PBRM1: variants seen among roughly 807,000 people sequenced by gnomAD.
PBRM1 encodes polybromo 1.
In PBRM1, 27 loss-of-function variants were observed where a neutral mutation model predicts 194.5. That is an observed-to-expected ratio of 0.14 (90% CI 0.10 to 0.19). The LOEUF (loss-of-function observed/expected upper bound fraction) is 0.19, where lower values mean the gene tolerates loss of function less well. PBRM1 is among the 10% of genes least tolerant of loss of function. The pLI is 1.00. For synonymous variants in PBRM1, 655 were observed against 693.2 expected, an observed-to-expected ratio of 0.94 and a Z score of 0.87; for missense variants, 1,466 against 2,077.2, an observed-to-expected ratio of 0.71 and a Z score of 5.72.
chr3:52,583,835 AG>A (rs1432778319), intron 20 of PBRM1, among the ~76,000 whole-genome samples: 1 of 152,180 alleles, frequency 6.6e-6, no homozygotes, highest in African/African-American at 2.4e-5. Flanking sequence ...TGTAGAGACA[AG>A]GTCTTGCTAT....
intron 2 of PBRM1, among the ~76,000 whole-genome samples, chr3:52,676,774 T>TG: frequency 6.6e-6 from 1 of 152,192 alleles, no homozygotes; most frequent in Non-Finnish European, 1.5e-5. Flanking sequence ...TGAATGGCTT[T>TG]GACCAAAAGC....
At chr3:52,553,030 GT>G (rs2081346193) in intron 27 of PBRM1, among the ~76,000 whole-genome samples, 1 of 152,122 alleles carries the variant, frequency 6.6e-6, no homozygotes, top group Non-Finnish European at 1.5e-5. Flanking sequence ...AGGCCACCAA[GT>G]TTGCTCACTC....
chr3:52,681,809 G>A (rs2097209098), upstream of PBRM1: 1 of 654,912 alleles, frequency 1.5e-6, no homozygotes, highest in Non-Finnish European at 1.9e-6. Flanking sequence ...TTCAGTGTTA[G>A]TATATTCAAA....
Position 52,609,242 on chromosome 3 carries a change from G to A in PBRM1, c.2567+71C>T. The A allele has an allele frequency of 8.4e-7, 1 of 1,193,018 alleles. No individual in the cohort carries two copies. The highest frequency in any genetic ancestry group is 1.2e-6 in the Non-Finnish European group (1 of 831,050). The allele number at this position is 1,193,018 out of a possible 1,614,324, so 73.9% of individuals were successfully genotyped here. A position where few individuals can be genotyped will look rare whatever the true frequency, so the allele number is the denominator to read the frequency against. On this transcript the variant is annotated intron_variant, in intron 16 of 29. Coordinates refer to ENST00000296302, the Ensembl canonical transcript of PBRM1. The surrounding 1 kb of genome is among the most constrained non-coding windows in gnomAD (Gnocchi z 4.1). ...ATGTAAGTGGAAATAGTACATCAAA[G>A]CAATATTCTTTCATCTGTTTTGTAT...
chr3:52,582,172 G>C (rs2091387019), intron 20 of PBRM1, among the ~76,000 whole-genome samples: 1 of 150,200 alleles, frequency 6.7e-6, no homozygotes, highest in South Asian at 2.1e-4. Flanking sequence ...AACCTGGGAA[G>C]TGGAGGCTGC....
chr3:52,599,075 AAC>A (rs1212445705), intron 17 of PBRM1, among the ~76,000 whole-genome samples: 2 of 151,760 alleles, frequency 1.3e-5, no homozygotes, highest in African/African-American at 4.8e-5. Flanking sequence ...CTCTAGTCTC[AAC>A]TACTCAGGAG....
chr3:52,605,267 C>A (rs1478577191), intron 16 of PBRM1, among the ~76,000 whole-genome samples: 1 of 151,620 alleles, frequency 6.6e-6, no homozygotes, highest in Non-Finnish European at 1.5e-5. Context: ...AGGCTGGTCT[C>A]GAACTCCTGG....
intron 11 of PBRM1, among the ~76,000 whole-genome samples, chr3:52,630,489 G>A (rs1301002247): frequency 6.6e-6 from 1 of 152,172 alleles, no homozygotes; most frequent in Non-Finnish European, 1.5e-5. Flanking sequence ...TATGACTAGT[G>A]TCTATCACAT....
chr3:52,661,744 T>C (rs769566790), intron 4 of PBRM1, among the ~76,000 whole-genome samples: 151 of 152,328 alleles, frequency 9.9e-4, no homozygotes, highest in Middle Eastern at 3.4e-3. Flanking sequence ...ACAGTAACTA[T>C]TCTAACCTAC....
intron 17 of PBRM1, among the ~76,000 whole-genome samples, chr3:52,600,081 C>T (rs1305549341): frequency 6.6e-6 from 1 of 152,028 alleles, no homozygotes; most frequent in Non-Finnish European, 1.5e-5. Context: ...CACTTCGTTG[C>T]ATTTATAGAA....
chr3:52,657,994 T>C (rs757914571), intron 5 of PBRM1, among the ~76,000 whole-genome samples: 3 of 150,342 alleles, frequency 2.0e-5, no homozygotes, highest in Non-Finnish European at 3.0e-5. Flanking sequence ...GGTTTCTCCA[T>C]GTTGATCGGG....
intron 18 of PBRM1, among the ~76,000 whole-genome samples, chr3:52,588,121 A>G (rs1016222828): frequency 6.6e-6 from 1 of 152,238 alleles, no homozygotes; most frequent in Non-Finnish European, 1.5e-5. Context: ...TGCTCTGGTT[A>G]GTACATACCT....
At chr3:52,657,704 A>G (rs1300727970) in intron 5 of PBRM1, among the ~76,000 whole-genome samples, 3 of 151,968 alleles carry the variant, frequency 2.0e-5, no homozygotes, top group Non-Finnish European at 2.9e-5. Flanking sequence ...TCCTGACCTC[A>G]GGTGATCTGC....
intron 22 of PBRM1, among the ~76,000 whole-genome samples, chr3:52,570,624 G>A (rs530756021): frequency 6.9e-4 from 105 of 151,992 alleles, no homozygotes; most frequent in African/African-American, 2.5e-3. Flanking sequence ...CAAAAGACAG[G>A]GAAAAGATGA....
At chr3:52,552,827 T>C (rs762190204) in intron 27 of PBRM1, among the ~76,000 whole-genome samples, 10 of 152,216 alleles carry the variant, frequency 6.6e-5, no homozygotes, top group Non-Finnish European at 1.3e-4. Flanking sequence ...CAAGTCTACC[T>C]GCCACATGGG....
intron 17 of PBRM1, among the ~76,000 whole-genome samples, chr3:52,596,652 C>T (rs1228151258): frequency 6.6e-6 from 1 of 151,874 alleles, no homozygotes; most frequent in East Asian, 1.9e-4. Context: ...GGAGCTAGGG[C>T]CTGGAATGGG....
intron 23 of PBRM1, 50 bp downstream of exon 25, chr3:52,564,000 C>T (rs2084364040): frequency 3.3e-6 from 4 of 1,203,136 alleles, no homozygotes; most frequent in South Asian, 2.6e-5. Context: ...CACTATGTTG[C>T]TATCAGTTAA....
intron 27 of PBRM1, among the ~76,000 whole-genome samples, chr3:52,553,189 T>A (rs2081379709): frequency 6.6e-6 from 1 of 152,204 alleles, no homozygotes; most frequent in Non-Finnish European, 1.5e-5. Context: ...ATGTTGTAGG[T>A]AATGGACCAA....
intron 2 of PBRM1, among the ~76,000 whole-genome samples, chr3:52,668,884 T>C (rs1011025103): frequency 6.6e-5 from 10 of 151,878 alleles, no homozygotes; most frequent in African/African-American, 2.4e-4. Context: ...TATAAAAACC[T>C]AAATTAACAC....
Sources: allele counts gnomAD v4.1 joint callset (sites outside exome capture counted in the v4.1 genomes callset), GRCh38; gene constraint gnomAD v4.1.1; non-coding constraint Gnocchi (gnomAD v3.1); transcripts MANE v1.5; gene names NCBI Gene and HGNC (gene_info 2026-07-23, HGNC 2026-07-21).